The following CARMIL1 variants were observed in gnomAD, a reference collection of about 807,000 sequenced individuals.
CARMIL1 encodes F-actin-uncapping protein LRRC16A.
Under a neutral mutation model 177.1 loss-of-function variants are expected in CARMIL1, and 90 were observed. The ratio of observed to expected loss-of-function variants is 0.51; its 90% CI spans 0.43 to 0.61. CARMIL1 has a LOEUF of 0.61. CARMIL1 is among the 20% of genes least tolerant of loss of function. The probability of loss-of-function intolerance (pLI) is 0.00; values close to 1 mark genes in which losing one functional copy is unlikely to be tolerated. For missense variants in CARMIL1, 1,380 were observed against 1,667.0 expected, an observed-to-expected ratio of 0.83 and a Z score of 3.00; for synonymous variants, 577 against 606.2, an observed-to-expected ratio of 0.95 and a Z score of 0.71.
chr6:25,528,855 C>T lies in CARMIL1; in HGVS notation c.2029C>T (p.Arg677Cys), dbSNP rs747158582. ...AAAATACCTTCAAGAGCAGGCCTAC[C>T]GCCTGCAGCAGGGTATTGTCACCAG... ...TRKYLQEQAY[R>C]LQQGIVTSTT... Residue 677 changes from arginine (R) to cysteine (C), a missense_variant, in exon 24 of 37, where the codon CGC becomes TGC. Coordinates refer to ENST00000329474, the MANE Select transcript of CARMIL1 (RefSeq NM_017640.6). The T allele has an allele frequency of 8.1e-6, 13 of 1,609,996 alleles. No homozygotes were observed. Among genetic ancestry groups the T allele is most frequent in the South Asian group, 1.1e-5 (1 of 90,134 alleles).
At chr6:25,360,066 TA>T (rs1461541468) in intron 2 of CARMIL1, among the ~76,000 whole-genome samples, 1 of 152,198 alleles carries the variant, frequency 6.6e-6, no homozygotes, top group Non-Finnish European at 1.5e-5. Context: ...GGATGCCAGA[TA>T]AGACATCATT....
intron 23 of CARMIL1, among the ~76,000 whole-genome samples, chr6:25,520,811 A>T (rs557664090): frequency 5.9e-4 from 90 of 152,264 alleles, no homozygotes; most frequent in Middle Eastern, 6.8e-3. Flanking sequence ...GCAAACTCAG[A>T]GGTACCTTCC....
intron 2 of CARMIL1, among the ~76,000 whole-genome samples, chr6:25,298,755 C>CTTT (rs35932044): frequency 6.0e-5 from 8 of 133,388 alleles, no homozygotes; most frequent in African/African-American, 8.4e-5. Flanking sequence ...GTTATGATTG[C>CTTT]TTTTTTTTTT....
intron 27 of CARMIL1, among the ~76,000 whole-genome samples, chr6:25,552,664 C>T (rs1810225419): frequency 6.6e-6 from 1 of 152,068 alleles, no homozygotes; most frequent in Admixed American, 6.6e-5. Flanking sequence ...TAGAATGATC[C>T]TGAGATATTA....
At chr6:25,563,196 C>T in intron 29 of CARMIL1, 1 of 984,912 alleles carries the variant, frequency 1.0e-6, no homozygotes. Context: ...ACTTTTCCTC[C>T]CTTAGAAACC....
intron 26 of CARMIL1, among the ~76,000 whole-genome samples, chr6:25,547,530 G>C (rs942895941): frequency 2.6e-5 from 4 of 152,124 alleles, no homozygotes; most frequent in African/African-American, 9.7e-5. Flanking sequence ...GTTTAGTACA[G>C]AAAAAATGGA....
chr6:25,570,470 A>G (rs1811979235), intron 29 of CARMIL1, among the ~76,000 whole-genome samples: 1 of 152,314 alleles, frequency 6.6e-6, no homozygotes, highest in African/African-American at 2.4e-5. Context: ...AGAACATTCA[A>G]ACGTGAATTT....
intron 29 of CARMIL1, 99 bp downstream of exon 29, chr6:25,556,949 A>G: frequency 8.3e-7 from 1 of 1,206,890 alleles, no homozygotes; most frequent in South Asian, 1.4e-5. Flanking sequence ...ATCAGACCAA[A>G]CAAAACACTG....
chr6:25,486,954 A>C (rs1802721484), intron 12 of CARMIL1, among the ~76,000 whole-genome samples: 1 of 152,202 alleles, frequency 6.6e-6, no homozygotes, highest in Non-Finnish European at 1.5e-5. Flanking sequence ...AGGGTAAAAA[A>C]AAAATGATCT....
chr6:25,498,667 C>G lies in CARMIL1; in HGVS notation c.1326-1499C>G, dbSNP rs1234141474. Among the ~76,000 whole-genome samples, 6 of 152,258 alleles carry G rather than the reference C, an allele frequency of 3.9e-5. No homozygotes were observed. In the East Asian group the frequency reaches 1.2e-3, roughly 29 times the overall value. ...ATAAAAGGGACCTCTTTGGTAATAT[C>G]CTAACTCTCTCATTTTACTGACAAG... is the stretch of plus-strand genomic sequence containing the variant. On this transcript the variant is annotated intron_variant, in intron 16 of 36. Coordinates refer to ENST00000329474, the MANE Select transcript of CARMIL1 (RefSeq NM_017640.6).
intron 2 of CARMIL1, among the ~76,000 whole-genome samples, chr6:25,408,692 T>C (rs1794629042): frequency 6.6e-6 from 1 of 152,010 alleles, no homozygotes; most frequent in Non-Finnish European, 1.5e-5. Flanking sequence ...CTCTGCATGA[T>C]TGGATGCTGT....
chr6:25,610,530 C>T (rs1399940854), intron 36 of CARMIL1, among the ~76,000 whole-genome samples: 1 of 152,052 alleles, frequency 6.6e-6, no homozygotes, highest in East Asian at 1.9e-4. Flanking sequence ...TTTCTGAGTC[C>T]TATTATTTTC....
chr6:25,544,606 T>TACACACACACACACAC (rs3034120), intron 26 of CARMIL1, among the ~76,000 whole-genome samples: 2 of 142,416 alleles, frequency 1.4e-5, no homozygotes, highest in African/African-American at 5.3e-5. Flanking sequence ...GTTACTAGAC[T>TACACACACACACACAC]ACACACACAC....
chr6:25,465,603 C>T (rs993841895), intron 8 of CARMIL1: 17 of 393,608 alleles, frequency 4.3e-5, no homozygotes, highest in African/African-American at 3.5e-4. Context: ...GGATTTCTCT[C>T]AGAGCAAGGA....
intron 2 of CARMIL1, among the ~76,000 whole-genome samples, chr6:25,354,266 C>A (rs1788362526): frequency 1.3e-5 from 2 of 151,650 alleles, no homozygotes; most frequent in South Asian, 4.2e-4. Context: ...CTCAAGTGAT[C>A]CTCCTGCCTC....
intron 32 of CARMIL1, among the ~76,000 whole-genome samples, chr6:25,598,246 T>A (rs1023225810): frequency 2.6e-5 from 4 of 152,060 alleles, no homozygotes; most frequent in Non-Finnish European, 5.9e-5. Flanking sequence ...CTTCTATTAT[T>A]ATTATTATTT....
At chr6:25,479,090 G>C (rs755090891) in intron 11 of CARMIL1, 1 of 518,862 alleles carries the variant, frequency 1.9e-6, no homozygotes, top group Non-Finnish European at 3.8e-6. Flanking sequence ...CAGAGAAGAG[G>C]CCTTTTGTTT....
intron 26 of CARMIL1, among the ~76,000 whole-genome samples, chr6:25,545,450 G>A (rs1325560147): frequency 6.6e-6 from 1 of 152,046 alleles, no homozygotes; most frequent in Non-Finnish European, 1.5e-5. Context: ...ATGAATAAGT[G>A]GACAAAATTA....
chr6:25,457,781 G>A (rs559119112), intron 8 of CARMIL1, among the ~76,000 whole-genome samples: 11 of 152,288 alleles, frequency 7.2e-5, no homozygotes, highest in Admixed American at 2.0e-4. Flanking sequence ...TATAAGATTT[G>A]TGAGAGGGAA....
Sources: gnomAD v4.1 joint callset for allele counts (sites outside exome capture counted in the v4.1 genomes callset) on GRCh38, gnomAD v4.1.1 for gene constraint, MANE v1.5 for transcripts, NCBI Gene and HGNC (gene_info 2026-07-23, HGNC 2026-07-21) for gene names.